The following BORCS8 variants were observed in gnomAD, a reference collection of about 807,000 sequenced individuals.
The protein encoded by BORCS8 is BLOC-1 related complex subunit 8.
BORCS8 carries 13 observed loss-of-function variants against 18.7 expected under a neutral mutation model. The observed-to-expected ratio is 0.70, with a 90% CI of 0.45 to 1.11. The LOEUF (loss-of-function observed/expected upper bound fraction) is 1.11. BORCS8 is among the 50% of genes least tolerant of loss of function. BORCS8 has a pLI of 0.00. For synonymous variants in BORCS8, 68 were observed against 64.8 expected (o/e 1.05, Z -0.24); for missense variants, 165 against 165.7 (o/e 1.00, Z 0.02).
chr19:19,191,855 C>A (rs900503584), intron 1 of BORCS8, among the ~76,000 whole-genome samples: 1 of 152,204 alleles, frequency 6.6e-6, no homozygotes, highest in African/African-American at 2.4e-5. Flanking sequence ...ACAAAGCCAC[C>A]ACTCCCAGCC....
chr19:19,182,832 A>C lies in BORCS8; in HGVS notation c.216-149T>G. The C allele has an allele frequency of 9.7e-7, 1 of 1,025,860 alleles. No homozygotes were observed. The highest frequency in any genetic ancestry group is 1.4e-6 in the Non-Finnish European group (1 of 730,552). The allele number at this position is 1,025,860 out of a possible 1,614,324, so 63.5% of individuals were successfully genotyped here. On this transcript the variant is annotated intron_variant, in intron 3 of 5. Transcript: ENST00000462790. The surrounding 1 kb of genome is among the most constrained non-coding windows in gnomAD (Gnocchi z 4.1). ...GACTCACAGTGGGCTTACATTTTAG[A>C]TTTCCCTGCTATGACTAGATGACAT...
At position 19,186,021 on chromosome 19, in the gene BORCS8, C is replaced by T; in HGVS notation, c.215+13G>A. On this transcript the variant is annotated intron_variant, in intron 3 of 5. Coordinates refer to ENST00000462790, the MANE Select transcript of BORCS8 (RefSeq NM_001145784.2). ...AAAAGGTGGCCCTGCAGCGGGGAGG[C>T]TGTGGCGCTCACCTGCAGGCGTACT... The T allele has an allele frequency of 6.5e-7, 1 of 1,550,078 alleles. No individual in the cohort carries two copies. The highest frequency in any genetic ancestry group is 2.0e-5 in the Admixed American group (1 of 50,994).
At chr19:19,191,865 C>G (rs950840705) in intron 1 of BORCS8, among the ~76,000 whole-genome samples, 1 of 152,226 alleles carries the variant, frequency 6.6e-6, no homozygotes, top group African/African-American at 2.4e-5. Flanking sequence ...CACTCCCAGC[C>G]TCAGCTACTG....
At chr19:19,181,809 T>C in intron 4 of BORCS8, 1 of 964,818 alleles carries the variant, frequency 1.0e-6, no homozygotes, top group African/African-American at 1.8e-5. Flanking sequence ...GGGACAGGCC[T>C]GCCAGAACCC....
intron 2 of BORCS8, among the ~76,000 whole-genome samples, 185 bp downstream of exon 2, chr19:19,186,708 G>C (rs1258436918): frequency 6.6e-6 from 1 of 152,224 alleles, no homozygotes; most frequent in East Asian, 1.9e-4. Context: ...CCCAGTCTTG[G>C]CTATGTCCTG....
intron 1 of BORCS8, 31 bp downstream of exon 1, chr19:19,192,050 C>A (rs1356463804): frequency 5.8e-6 from 9 of 1,550,692 alleles, no homozygotes; most frequent in Non-Finnish European, 7.9e-6. Flanking sequence ...AGTTACCGGC[C>A]CCCTCTGTCC....
At chr19:19,190,527 G>A (rs553616727) in intron 1 of BORCS8, among the ~76,000 whole-genome samples, 4 of 152,290 alleles carry the variant, frequency 2.6e-5, no homozygotes, top group South Asian at 4.1e-4. Context: ...GGTGGCCCAC[G>A]CCTGTAATTC....
chr19:19,186,004 G>A, intron 3 of BORCS8, 30 bp downstream of exon 3: 1 of 1,546,954 alleles, frequency 6.5e-7, no homozygotes. Context: ...GCAAAAGGTG[G>A]CCCTGCAGCG....
At chr19:19,189,625 G>C (rs2060446503) in intron 1 of BORCS8, among the ~76,000 whole-genome samples, 1 of 152,136 alleles carries the variant, frequency 6.6e-6, no homozygotes. Flanking sequence ...ATCACTTGAG[G>C]ATAAGAATTT....
chr19:19,181,006 C>G (rs2060343259), intron 4 of BORCS8, among the ~76,000 whole-genome samples: 1 of 149,904 alleles, frequency 6.7e-6, no homozygotes. Context: ...ACCAGCCTGG[C>G]CAACATGGCG....
At chr19:19,177,715 A>AAAGAAAAGAAAAGAG (rs2060312548) in intron 5 of BORCS8, 1 of 106,038 alleles carries the variant, frequency 9.4e-6, no homozygotes, top group African/African-American at 4.2e-5. Flanking sequence ...AAAGAAAAGA[A>AAAGAAAAGAAAAGAG]AAGAAAAGAA....
chr19:19,184,688 C>T (rs766743336), intron 3 of BORCS8, among the ~76,000 whole-genome samples: 1 of 152,208 alleles, frequency 6.6e-6, no homozygotes, highest in African/African-American at 2.4e-5. Flanking sequence ...CAGCCTCAAC[C>T]TCCCAGGCTT....
At chr19:19,187,812 C>A (rs554621088) in intron 1 of BORCS8, among the ~76,000 whole-genome samples, 121 of 151,574 alleles carry the variant, frequency 8.0e-4, no homozygotes, top group Admixed American at 7.9e-3. Flanking sequence ...GCTGGGATTA[C>A]AGGCTTGAGC....
intron 4 of BORCS8, chr19:19,181,796 TG>T: frequency 1.1e-6 from 1 of 925,564 alleles, no homozygotes; most frequent in Non-Finnish European, 1.3e-6. Context: ...TTTTGCCCAG[TG>T]GGGGACAGGC....
chr19:19,187,476 CAAA>C (rs35314944), intron 1 of BORCS8, among the ~76,000 whole-genome samples: 1 of 122,410 alleles, frequency 8.2e-6, no homozygotes, highest in Non-Finnish European at 1.7e-5. Flanking sequence ...AACTCCATCT[CAAA>C]AAAAAAAAAA....
In BORCS8 at chr19:19,192,150, A is replaced by G; in HGVS notation, c.-33T>C. On this transcript the variant is annotated 5_prime_UTR_variant, in exon 1 of 6. Transcript: ENST00000462790. ...GCGGCCGAGCGAACCGGGAAACGGC[A>G]CCGGAAGCCCGGAGGTTGGGACGCC... The G allele has an allele frequency of 6.4e-7, 1 of 1,550,796 alleles. No homozygotes were observed. The highest frequency in any genetic ancestry group is 8.7e-7 in the Non-Finnish European group (1 of 1,146,846).
At chr19:19,190,971 C>G (rs932145626) in intron 1 of BORCS8, among the ~76,000 whole-genome samples, 2 of 152,136 alleles carry the variant, frequency 1.3e-5, no homozygotes, top group Admixed American at 6.5e-5. Flanking sequence ...CTGCCCTACA[C>G]GAAGCACTTC....
intron 1 of BORCS8, among the ~76,000 whole-genome samples, chr19:19,191,589 T>G (rs1313608492): frequency 6.6e-6 from 1 of 151,994 alleles, no homozygotes; most frequent in East Asian, 1.9e-4. Flanking sequence ...GAGTTTTTTT[T>G]TTTTAGACAG....
At position 19,186,060 on chromosome 19, in the gene BORCS8, G is replaced by A. The variant is rs2060405726; in HGVS notation, c.189C>T (p.Ala63=). 6.5e-7 allele frequency: 1 copy of A among 1,549,722 alleles called. No individual in the cohort carries two copies. The highest frequency in any genetic ancestry group is 8.7e-7 in the Non-Finnish European group (1 of 1,146,456). Residue 63 remains alanine, a synonymous_variant, in exon 3 of 6, where the codon GCC becomes GCT. Coordinates refer to ENST00000462790, the MANE Select transcript of BORCS8 (RefSeq NM_001145784.2). ...TGCAGGCGTACTCCACAGTGTAGAT[G>A]GCTCCCTGGCTCTGCTCCTCCCAAC... ...MQRWEEQSQG[A]IYTVEYACSA...
Sources: gnomAD v4.1 joint callset for allele counts (sites outside exome capture counted in the v4.1 genomes callset) on GRCh38, gnomAD v4.1.1 for gene constraint, Gnocchi (gnomAD v3.1) non-coding constraint, MANE v1.5 for transcripts, NCBI Gene and HGNC (gene_info 2026-07-23, HGNC 2026-07-21) for gene names.